Variants in ANKS1B observed in about 807,000 individuals in gnomAD.
ANKS1B encodes the protein ankyrin repeat and sterile alpha motif domain-containing protein 1B.
Under a neutral mutation model 148.3 loss-of-function variants are expected in ANKS1B, and 36 were observed. The observed-to-expected ratio is 0.24, with a 90% CI of 0.19 to 0.32. The LOEUF (loss-of-function observed/expected upper bound fraction) is 0.32. ANKS1B is among the 10% of genes least tolerant of loss of function. The probability of loss-of-function intolerance (pLI) is 1.00; values close to 1 mark genes in which losing one functional copy is unlikely to be tolerated. For missense variants in ANKS1B, 1,157 were observed against 1,542.6 expected, an observed-to-expected ratio of 0.75 and a Z score of 4.19; for synonymous variants, 542 against 560.8, an observed-to-expected ratio of 0.97 and a Z score of 0.47.
chr12:99,624,868 C>T (rs1048985340), intron 9 of ANKS1B, among the ~76,000 whole-genome samples: 1 of 152,044 alleles, frequency 6.6e-6, no homozygotes, highest in African/African-American at 2.4e-5. Context: ...ATAGAGCTAC[C>T]ATTCAACCCA....
chr12:99,315,864 T>A (rs1344873300), intron 12 of ANKS1B, among the ~76,000 whole-genome samples: 2 of 151,348 alleles, frequency 1.3e-5, no homozygotes, highest in Non-Finnish European at 2.9e-5. Flanking sequence ...TGTTCCTCAC[T>A]CTGTGTCCAA....
At chr12:99,483,511 T>C (rs539011121) in intron 10 of ANKS1B, among the ~76,000 whole-genome samples, 2 of 152,054 alleles carry the variant, frequency 1.3e-5, no homozygotes, top group African/African-American at 2.4e-5. Flanking sequence ...ACTGGCTTCA[T>C]AGAATGATTT....
chr12:98,842,619 T>A (rs1425555908), intron 17 of ANKS1B, among the ~76,000 whole-genome samples: 1 of 152,186 alleles, frequency 6.6e-6, no homozygotes, highest in East Asian at 1.9e-4. Flanking sequence ...AGAATAATGC[T>A]GGGAGAATGC....
At chr12:99,548,776 C>A (rs1847005041) in intron 9 of ANKS1B, among the ~76,000 whole-genome samples, 1 of 152,016 alleles carries the variant, frequency 6.6e-6, no homozygotes, top group Admixed American at 6.6e-5. Flanking sequence ...TTTGATGAAC[C>A]ATTAAAAAAT....
At chr12:99,155,564 A>G (rs2153824975) in intron 14 of ANKS1B, among the ~76,000 whole-genome samples, 1 of 152,244 alleles carries the variant, frequency 6.6e-6, no homozygotes, top group East Asian at 1.9e-4. Flanking sequence ...AAAGAAGATG[A>G]GCCCTAACCC....
intron 12 of ANKS1B, among the ~76,000 whole-genome samples, chr12:99,307,255 C>A (rs1378731389): frequency 6.6e-6 from 1 of 152,026 alleles, no homozygotes; most frequent in East Asian, 1.9e-4. Flanking sequence ...CTTTAAGTCT[C>A]TTTTCAGGGA....
chr12:99,786,184 C>T (rs754592764), intron 4 of ANKS1B, among the ~76,000 whole-genome samples: 20 of 152,148 alleles, frequency 1.3e-4, no homozygotes, highest in Admixed American at 1.3e-4. Context: ...TAGCATACTT[C>T]AGTTCATTCT....
chr12:99,758,535 T>C (rs2061779494), intron 8 of ANKS1B, among the ~76,000 whole-genome samples: 1 of 121,578 alleles, frequency 8.2e-6, no homozygotes, highest in Non-Finnish European at 1.8e-5. Context: ...GCTACCATTT[T>C]TCATATTAAA....
chr12:99,053,423 C>A, intron 16 of ANKS1B, 114 bp from the exon 17 acceptor site: 1 of 788,124 alleles, frequency 1.3e-6, no homozygotes, highest in Non-Finnish European at 1.8e-6. Context: ...TTTCTGGAGA[C>A]GGAAACAAGG....
chr12:99,078,674 G>A (rs1409905813), intron 16 of ANKS1B, among the ~76,000 whole-genome samples: 1 of 152,082 alleles, frequency 6.6e-6, no homozygotes, highest in African/African-American at 2.4e-5. Context: ...AACTACAAAT[G>A]TGGACAATGG....
chr12:99,181,611 GA>G (rs2079119195), intron 14 of ANKS1B, among the ~76,000 whole-genome samples: 1 of 151,968 alleles, frequency 6.6e-6, no homozygotes, highest in Non-Finnish European at 1.5e-5. Context: ...TTGTGAGTGG[GA>G]AAAACATTTT....
chr12:99,664,417 A>T (rs2153457831), intron 8 of ANKS1B, among the ~76,000 whole-genome samples: 1 of 152,184 alleles, frequency 6.6e-6, no homozygotes, highest in East Asian at 1.9e-4. Context: ...AATGCAAAAT[A>T]GAAAGAAAAC....
At chr12:99,479,284 T>G (rs1412371135) in intron 10 of ANKS1B, among the ~76,000 whole-genome samples, 1 of 152,090 alleles carries the variant, frequency 6.6e-6, no homozygotes, top group African/African-American at 2.4e-5. Flanking sequence ...AAGAATTAAG[T>G]TGACTTTGAA....
At chr12:99,465,294 A>G (rs1426378876) in intron 10 of ANKS1B, among the ~76,000 whole-genome samples, 6 of 152,322 alleles carry the variant, frequency 3.9e-5, no homozygotes, top group East Asian at 1.9e-4. Context: ...TGAAGGAAGC[A>G]CTAAACATGG....
At chr12:99,757,109 T>A (rs928991573) in intron 8 of ANKS1B, among the ~76,000 whole-genome samples, 1 of 152,036 alleles carries the variant, frequency 6.6e-6, no homozygotes, top group Admixed American at 6.6e-5. Flanking sequence ...TGGGATCTAA[T>A]TAAACTAAAG....
At chr12:99,741,245 A>ACACACACC (rs55942643) in intron 8 of ANKS1B, among the ~76,000 whole-genome samples, 1 of 146,942 alleles carries the variant, frequency 6.8e-6, no homozygotes, top group Non-Finnish European at 1.5e-5. Context: ...ACACACACAC[A>ACACACACC]TCAGGAAACA....
At chr12:98,804,474 A>C (rs1163656322) in intron 20 of ANKS1B, among the ~76,000 whole-genome samples, 1 of 150,442 alleles carries the variant, frequency 6.6e-6, no homozygotes, top group Non-Finnish European at 1.5e-5. Flanking sequence ...CAATTTGTAG[A>C]TGTTAATTCT....
At chr12:99,224,562 C>T (rs2085593147) in intron 14 of ANKS1B, among the ~76,000 whole-genome samples, 2 of 152,122 alleles carry the variant, frequency 1.3e-5, no homozygotes, top group East Asian at 1.9e-4. Context: ...TCTGCTTTGC[C>T]TTCCGTCATG....
chr12:99,453,015 GCACA>G (rs1260880165), intron 10 of ANKS1B, among the ~76,000 whole-genome samples: 2 of 152,216 alleles, frequency 1.3e-5, no homozygotes, highest in Non-Finnish European at 2.9e-5. Context: ...ATGAGGCCGG[GCACA>G]GTGGCTCACG....
Sources: allele counts gnomAD v4.1 joint callset (sites outside exome capture counted in the v4.1 genomes callset), GRCh38; gene constraint gnomAD v4.1.1; transcripts MANE v1.5; gene names NCBI Gene and HGNC (gene_info 2026-07-23, HGNC 2026-07-21).